The following CAPN11 variants were observed in gnomAD, a reference collection of about 807,000 sequenced individuals.
CAPN11 encodes calpain-11.
A neutral mutation model predicts 105.3 loss-of-function variants in CAPN11; 108 were observed. The observed-to-expected ratio is 1.03, with a 90% CI of 0.88 to 1.20. The LOEUF is 1.20. Ranked by LOEUF, CAPN11 falls within the 50% of genes most tolerant of loss-of-function variation. The pLI, the probability that CAPN11 is intolerant of heterozygous loss-of-function variation, is 0.00. For synonymous variants in CAPN11, 329 were observed against 344.5 expected, an observed-to-expected ratio of 0.96 and a Z score of 0.50; for missense variants, 883 against 924.8, an observed-to-expected ratio of 0.95 and a Z score of 0.59.
In CAPN11 at chr6:44,180,518, G is replaced by A. The variant is rs772680546; in HGVS notation, c.1680+19G>A. On this transcript the variant is annotated intron_variant, in intron 15 of 22. Coordinates refer to ENST00000398776, the MANE Select transcript of CAPN11 (RefSeq NM_007058.4). ...CCAAGAGGTGAGGGGAGACTGTAGG[G>A]CTGGGGGTTGGAAGGAAGCTCCTGG... 8.1e-6 allele frequency: 13 copies of A among 1,613,768 alleles called. No individual in the cohort carries two copies. Among genetic ancestry groups the A allele is most frequent in the East Asian group, 2.2e-5 (1 of 44,892 alleles).
At position 44,176,141 on chromosome 6, in the gene CAPN11, G is replaced by A; in HGVS notation, c.905G>A (p.Gly302Asp). 6.2e-7 allele frequency: 1 copy of A among 1,612,666 alleles called. No homozygotes were observed. The highest frequency in any genetic ancestry group is 8.5e-7 in the Non-Finnish European group (1 of 1,178,938). ...AGAGGGCACGCTTACTCTGTGACTGGCCTTCAGGATGTGAGTCCTGAGAAA... is the reference window on the plus strand; with the variant it reads ...AGAGGGCACGCTTACTCTGTGACTGACCTTCAGGATGTGAGTCCTGAGAAA... ...LVRGHAYSVT[G>D]LQDVHYRGKM... Residue 302 changes from glycine to aspartate, a missense_variant, in exon 8 of 23, where the codon GGC becomes GAC. By Grantham distance (94) the Gly-to-Asp change is moderately conservative. Coordinates refer to ENST00000398776, the MANE Select transcript of CAPN11 (RefSeq NM_007058.4).
intron 9 of CAPN11, 41 bp downstream of exon 9, chr6:44,176,379 C>G (rs760471620): frequency 6.4e-7 from 1 of 1,564,162 alleles, no homozygotes; most frequent in East Asian, 2.2e-5. Flanking sequence ...TCGGAGGATA[C>G]AGCAGGCGGT....
At chr6:44,159,964 G>A (rs1582849700) in intron 1 of CAPN11, among the ~76,000 whole-genome samples, 2 of 152,138 alleles carry the variant, frequency 1.3e-5, no homozygotes, top group South Asian at 4.1e-4. Context: ...GTGAAACCGT[G>A]TCTCTACTAA....
intron 1 of CAPN11, chr6:44,161,839 G>A (rs1246129202): frequency 1.1e-5 from 5 of 456,180 alleles, no homozygotes; most frequent in African/African-American, 1.0e-4. Flanking sequence ...CCAGGGTAGA[G>A]GCTGCCTGGA....
chr6:44,166,622 C>T (rs1199358319), intron 1 of CAPN11, 136 bp from the exon 2 acceptor site: 6 of 665,876 alleles, frequency 9.0e-6, no homozygotes. Context: ...CAGAACCCTG[C>T]TGCCCTCCCT....
chr6:44,162,755 TG>T (rs1054762250), intron 1 of CAPN11, among the ~76,000 whole-genome samples: 18 of 152,120 alleles, frequency 1.2e-4, no homozygotes, highest in African/African-American at 3.9e-4. Flanking sequence ...GAGCTGAACC[TG>T]GGGGAGGAAT....
At chr6:44,161,763 C>A (rs1289105018) in intron 1 of CAPN11, 1 of 456,134 alleles carries the variant, frequency 2.2e-6, no homozygotes, top group Admixed American at 2.3e-5. Flanking sequence ...TCTTCTCAAA[C>A]AACAGCATCT....
intron 2 of CAPN11, among the ~76,000 whole-genome samples, chr6:44,168,311 C>A (rs1228786533): frequency 6.6e-6 from 1 of 152,046 alleles, no homozygotes; most frequent in Admixed American, 6.6e-5. Context: ...ACTCTGTCGC[C>A]CATGCTAGAG....
At chr6:44,161,895 G>T (rs1358144079) in intron 1 of CAPN11, 1 of 456,132 alleles carries the variant, frequency 2.2e-6, no homozygotes, top group Non-Finnish European at 4.4e-6. Flanking sequence ...CTTATCGTGT[G>T]AATGACCTTA....
chr6:44,181,867 A>T (rs201815919), intron 19 of CAPN11, among the ~76,000 whole-genome samples: 707 of 20,606 alleles, frequency 0.034, 1 homozygote, highest in Middle Eastern at 0.17. Flanking sequence ...CACACCACAC[A>T]CACACATACA....
chr6:44,166,470 T>C (rs538385854), intron 1 of CAPN11, among the ~76,000 whole-genome samples: 1 of 152,236 alleles, frequency 6.6e-6, no homozygotes, highest in East Asian at 1.9e-4. Flanking sequence ...GAGAAGGTGC[T>C]CAGTGCTGTC....
At chr6:44,169,618 A>C (rs1770620518) in intron 3 of CAPN11, 87 bp downstream of exon 3, 1 of 1,296,504 alleles carries the variant, frequency 7.7e-7, no homozygotes, top group Admixed American at 2.8e-5. Flanking sequence ...TCAATCTTCA[A>C]CCCCCCACTA....
At chr6:44,173,440 C>A in intron 7 of CAPN11, 54 bp downstream of exon 7, 3 of 1,184,412 alleles carry the variant, frequency 2.5e-6, no homozygotes, top group Non-Finnish European at 3.6e-6. Flanking sequence ...TTGCTGTCAC[C>A]CAAAAGGCTC....
At chr6:44,162,327 ACCCCGC>A (rs1768996301) in intron 1 of CAPN11, among the ~76,000 whole-genome samples, 1 of 146,358 alleles carries the variant, frequency 6.8e-6, no homozygotes, top group Non-Finnish European at 1.5e-5. Context: ...CCACTGTTTA[ACCCCGC>A]CCCCGCAGCC....
chr6:44,168,951 C>T (rs555638028), intron 2 of CAPN11: 1 of 461,844 alleles, frequency 2.2e-6, no homozygotes, highest in South Asian at 1.5e-5. Context: ...GAGACAAGGT[C>T]TTGCTCTGTC....
chr6:44,169,148 G>A, intron 2 of CAPN11, 133 bp from the exon 3 acceptor site: 2 of 1,006,116 alleles, frequency 2.0e-6, no homozygotes, highest in Non-Finnish European at 2.9e-6. Context: ...TGCCCAGGCT[G>A]GTCTCAAACT....
At chr6:44,182,658 T>C (rs1175411799) in intron 19 of CAPN11, among the ~76,000 whole-genome samples, 1 of 152,148 alleles carries the variant, frequency 6.6e-6, no homozygotes, top group African/African-American at 2.4e-5. Context: ...AGTGGTGCGA[T>C]CTCTGCTTAC....
chr6:44,181,622 C>T (rs1175634813), intron 19 of CAPN11, among the ~76,000 whole-genome samples: 1 of 19,238 alleles, frequency 5.2e-5, no homozygotes, highest in Non-Finnish European at 1.1e-4. Context: ...CACTCACACA[C>T]ACACATACAC....
chr6:44,180,699 G>A lies in CAPN11; in HGVS notation c.1746+37G>A, dbSNP rs202097983. 2.3e-3 allele frequency: 3,702 copies of A among 1,613,530 alleles called. 6 individuals carry two copies. Among genetic ancestry groups the A allele is most frequent in the Non-Finnish European group, 2.9e-3 (3,406 of 1,179,576 alleles). On this transcript the variant is annotated intron_variant, in intron 16 of 22. Coordinates refer to ENST00000398776, the MANE Select transcript of CAPN11 (RefSeq NM_007058.4). ...ACGAGCGGAGGGCTGACAGGAGGGG[G>A]ATGAGGGGCTGGAGGGGCCCGAGTG...
Sources: gnomAD v4.1 joint callset for allele counts (sites outside exome capture counted in the v4.1 genomes callset) on GRCh38, gnomAD v4.1.1 for gene constraint, MANE v1.5 for transcripts, NCBI Gene and HGNC (gene_info 2026-07-23, HGNC 2026-07-21) for gene names.